Variants in SLC24A2 observed in about 807,000 individuals in gnomAD.
SLC24A2 encodes the protein sodium/potassium/calcium exchanger 2.
SLC24A2 carries 36 observed loss-of-function variants against 62.0 expected under a neutral mutation model. The observed-to-expected ratio is 0.58, with a 90% CI of 0.44 to 0.77. The LOEUF (loss-of-function observed/expected upper bound fraction) is 0.77. SLC24A2 is among the 30% of genes least tolerant of loss of function. The pLI, the probability that SLC24A2 is intolerant of heterozygous loss-of-function variation, is 0.00. For missense variants in SLC24A2, 846 were observed against 817.9 expected, an observed-to-expected ratio of 1.03 and a Z score of -0.42; for synonymous variants, 358 against 294.0, an observed-to-expected ratio of 1.22 and a Z score of -2.23.
Position 19,512,928 on chromosome 9 carries a change from G to T in SLC24A2, c.*3225C>A, listed in dbSNP as rs543208790. 2.0e-5 allele frequency: 3 copies of T among 151,976 alleles called. No homozygotes were observed. The South Asian group carries it at 6.2e-4, about 32-fold the overall frequency. 9.4% of individuals were successfully genotyped at this position (151,976 alleles called of 1,614,324 possible). ...AAGGCTATAAATTGATATTCTTAGG[G>T]TGGGAAAATATGGGTACATATGTGT... is the stretch of plus-strand genomic sequence containing the variant. On this transcript the variant is annotated 3_prime_UTR_variant, in exon 11 of 11. Coordinates refer to ENST00000341998, the MANE Select transcript of SLC24A2 (RefSeq NM_020344.4).
the SLC24A2 span, among the ~76,000 whole-genome samples, chr9:20,047,943 G>A: frequency 6.6e-6 from 1 of 152,080 alleles, no homozygotes; most frequent in Non-Finnish European, 1.5e-5. Context: ...GGCAGATAAA[G>A]TAGATAGGTT....
chr9:20,064,745 G>A, the SLC24A2 span, among the ~76,000 whole-genome samples: 64 of 152,310 alleles, frequency 4.2e-4, no homozygotes, highest in African/African-American at 1.4e-3. Context: ...ACCCACCGCT[G>A]AAGCTGAAAG....
the SLC24A2 span, among the ~76,000 whole-genome samples, chr9:20,078,727 C>T: frequency 2.6e-5 from 4 of 152,166 alleles, no homozygotes; most frequent in African/African-American, 9.6e-5. Flanking sequence ...TCAGAGCCCC[C>T]TCTCCAGGTT....
chr9:19,939,044 T>C, the SLC24A2 span, among the ~76,000 whole-genome samples: 6 of 152,364 alleles, frequency 3.9e-5, no homozygotes, highest in South Asian at 1.2e-3. Flanking sequence ...TATTTTCATG[T>C]CCGTAACTAT....
chr9:19,592,951 G>C (rs2132889900), intron 5 of SLC24A2, among the ~76,000 whole-genome samples: 1 of 152,284 alleles, frequency 6.6e-6, no homozygotes, highest in East Asian at 1.9e-4. Flanking sequence ...CTTATTACAG[G>C]GGCAAAGTCC....
the SLC24A2 span, among the ~76,000 whole-genome samples, chr9:20,157,816 C>A: frequency 6.6e-6 from 1 of 151,418 alleles, no homozygotes; most frequent in African/African-American, 2.4e-5. Flanking sequence ...TTTCCATCAC[C>A]ATTAGCATCA....
chr9:19,560,477 C>A (rs1316262072), intron 7 of SLC24A2, among the ~76,000 whole-genome samples: 7 of 152,196 alleles, frequency 4.6e-5, no homozygotes, highest in Non-Finnish European at 1.0e-4. Context: ...TCTATGTCCC[C>A]CTCTTTCCCC....
At chr9:19,977,337 G>A in the SLC24A2 span, among the ~76,000 whole-genome samples, 10 of 152,262 alleles carry the variant, frequency 6.6e-5, no homozygotes, top group South Asian at 4.1e-4. Flanking sequence ...ACTGAAGTGC[G>A]TATTGAATAT....
At chr9:19,583,432 A>ATGAC (rs1266132282) in intron 5 of SLC24A2, among the ~76,000 whole-genome samples, 1 of 152,208 alleles carries the variant, frequency 6.6e-6, no homozygotes, top group Non-Finnish European at 1.5e-5. Flanking sequence ...CTATATCATT[A>ATGAC]TGACTACAGA....
chr9:20,140,142 G>A, the SLC24A2 span, among the ~76,000 whole-genome samples: 2 of 152,192 alleles, frequency 1.3e-5, no homozygotes, highest in Non-Finnish European at 2.9e-5. Context: ...AGAGTTGTTT[G>A]TTTAGAATTT....
chr9:20,304,092 T>A, the SLC24A2 span, among the ~76,000 whole-genome samples: 1 of 152,220 alleles, frequency 6.6e-6, no homozygotes, highest in Non-Finnish European at 1.5e-5. Context: ...TGAGTGACTC[T>A]GAAATATCTG....
chr9:20,302,771 C>T, the SLC24A2 span, among the ~76,000 whole-genome samples: 1 of 152,018 alleles, frequency 6.6e-6, no homozygotes, highest in Non-Finnish European at 1.5e-5. Context: ...ATGGATTGTG[C>T]CTTTGGTGGT....
At chr9:20,221,716 C>G in the SLC24A2 span, among the ~76,000 whole-genome samples, 1 of 151,986 alleles carries the variant, frequency 6.6e-6, no homozygotes, top group Non-Finnish European at 1.5e-5. Context: ...ATGTTTAAAG[C>G]TCTCAGAGAG....
the SLC24A2 span, among the ~76,000 whole-genome samples, chr9:19,973,834 T>C: frequency 4.3e-4 from 65 of 152,322 alleles, no homozygotes; most frequent in South Asian, 0.011. Flanking sequence ...ATTTAGATAG[T>C]AGGTTTTTTT....
intron 10 of SLC24A2, among the ~76,000 whole-genome samples, chr9:19,517,886 C>A (rs1833003439): frequency 6.9e-6 from 1 of 145,422 alleles, no homozygotes. Context: ...GAAGAAAGAC[C>A]AAAACCCATT....
the SLC24A2 span, among the ~76,000 whole-genome samples, chr9:20,210,637 CTTTTTTTTTTTTTTTTTTTTTTTTTT>C: frequency 6.8e-4 from 55 of 80,876 alleles, no homozygotes; most frequent in African/African-American, 3.0e-3. Flanking sequence ...CAACGCCCGG[CTTTTTTTTTTTTTTTTTTTTTTTTTT>C]TTTTTTTTTT....
chr9:20,177,269 G>C, the SLC24A2 span, among the ~76,000 whole-genome samples: 2 of 152,112 alleles, frequency 1.3e-5, no homozygotes, highest in East Asian at 1.9e-4. Flanking sequence ...TACCAGGCCA[G>C]ATTTCCTGAT....
chr9:19,955,620 A>G, the SLC24A2 span, among the ~76,000 whole-genome samples: 1 of 152,174 alleles, frequency 6.6e-6, no homozygotes, highest in Non-Finnish European at 1.5e-5. Flanking sequence ...ATATGTAAAA[A>G]TAAAAATGTA....
chr9:20,022,764 G>T, the SLC24A2 span, among the ~76,000 whole-genome samples: 19 of 150,042 alleles, frequency 1.3e-4, no homozygotes, highest in South Asian at 3.9e-3. Context: ...TGAATCCTTT[G>T]CTATTATCCT....
Sources: gnomAD v4.1 joint callset for allele counts (sites outside exome capture counted in the v4.1 genomes callset) on GRCh38, gnomAD v4.1.1 for gene constraint, MANE v1.5 for transcripts, NCBI Gene and HGNC (gene_info 2026-07-23, HGNC 2026-07-21) for gene names.